MYLK4: variants seen among roughly 807,000 people sequenced by gnomAD.
The protein encoded by MYLK4 is caMLCK like.
Under a neutral mutation model 48.1 loss-of-function variants are expected in MYLK4, and 46 were observed. The observed-to-expected ratio is 0.96, with a 90% CI of 0.75 to 1.22. The LOEUF (loss-of-function observed/expected upper bound fraction) is 1.22. MYLK4 is among the 50% of genes most tolerant of loss of function. MYLK4 has a pLI of 0.00. For missense variants in MYLK4, 451 were observed against 486.1 expected (o/e 0.93, Z 0.68); for synonymous variants, 170 against 180.8 (o/e 0.94, Z 0.48).
intron 2 of MYLK4, among the ~76,000 whole-genome samples, chr6:2,737,330 A>G (rs1322925181): frequency 2.0e-5 from 3 of 152,204 alleles, no homozygotes; most frequent in Non-Finnish European, 4.4e-5. Context: ...ACAAAAAATA[A>G]CAATAAAACG....
chr6:2,746,337 G>T (rs1764094289), intron 2 of MYLK4, among the ~76,000 whole-genome samples: 2 of 151,858 alleles, frequency 1.3e-5, no homozygotes, highest in Non-Finnish European at 2.9e-5. Flanking sequence ...GTAGAAGGAA[G>T]AAAAGAAGGC....
At chr6:2,716,070 A>C (rs1762854276) in intron 2 of MYLK4, among the ~76,000 whole-genome samples, 1 of 152,236 alleles carries the variant, frequency 6.6e-6, no homozygotes, top group Non-Finnish European at 1.5e-5. Flanking sequence ...ACAGAGTAAC[A>C]GAAAATACAG....
chr6:2,761,837 CTTTT>C, the MYLK4 span, among the ~76,000 whole-genome samples: 84 of 152,246 alleles, frequency 5.5e-4, 1 homozygote, highest in Non-Finnish European at 9.7e-4. Flanking sequence ...TGTATTTTTC[CTTTT>C]TATTATTTAC....
At chr6:2,682,487 C>G (rs1043260581) in intron 7 of MYLK4, among the ~76,000 whole-genome samples, 2 of 152,152 alleles carry the variant, frequency 1.3e-5, no homozygotes, top group African/African-American at 4.8e-5. Flanking sequence ...CCTCTCTTCT[C>G]CTTAGCACTT....
At chr6:2,744,699 G>A (rs529494806) in intron 2 of MYLK4, among the ~76,000 whole-genome samples, 56 of 152,222 alleles carry the variant, frequency 3.7e-4, no homozygotes, top group Admixed American at 1.8e-3. Context: ...CATTTGTACC[G>A]GGCATTTAAA....
At chr6:2,766,468 G>T in the MYLK4 span, 2 of 1,483,990 alleles carry the variant, frequency 1.3e-6, no homozygotes, top group East Asian at 5.1e-5. Flanking sequence ...TGGCCGTTGG[G>T]CTTCCGTAGT....
At chr6:2,754,949 A>T (rs527852747), upstream of MYLK4, among the ~76,000 whole-genome samples, 1 of 152,288 alleles carries the variant, frequency 6.6e-6, no homozygotes, top group African/African-American at 2.4e-5. Flanking sequence ...TAGTAATTTT[A>T]AAAGTAATTT....
At chr6:2,765,659 T>C in the MYLK4 span, 6 of 1,546,650 alleles carry the variant, frequency 3.9e-6, no homozygotes, top group Non-Finnish European at 5.2e-6. Context: ...CCCCTTCCTT[T>C]CGCAGCTGCA....
chr6:2,727,364 G>A (rs1763313562), intron 2 of MYLK4, among the ~76,000 whole-genome samples: 1 of 152,194 alleles, frequency 6.6e-6, no homozygotes, highest in Admixed American at 6.5e-5. Flanking sequence ...AGAGCTGGAG[G>A]AATGCCACGG....
intron 2 of MYLK4, among the ~76,000 whole-genome samples, chr6:2,710,214 G>A (rs11242797): frequency 0.21 from 32,433 of 151,934 alleles, 3,578 homozygotes; most frequent in African/African-American, 0.27. Context: ...TGCAGGCTGC[G>A]TTGAATAAAC....
chr6:2,737,174 G>A (rs1261956613), intron 2 of MYLK4, among the ~76,000 whole-genome samples: 2 of 152,184 alleles, frequency 1.3e-5, no homozygotes, highest in African/African-American at 4.8e-5. Flanking sequence ...CTAGCTGCGC[G>A]TGGTGGCGCC....
At position 2,669,163 on chromosome 6, in the gene MYLK4, C is replaced by T. The variant is rs576736937; in HGVS notation, c.*26-1264G>A. On this transcript the variant is annotated intron_variant, in intron 12 of 12. Coordinates refer to ENST00000274643, the MANE Select transcript of MYLK4 (RefSeq NM_001012418.5). ...GATTCTTCCTTGGCCTGTAGTGTGA[C>T]TCAGGTGAATTTCTGAGGCCAAATG... 5.3e-5 allele frequency among the ~76,000 whole-genome samples: 8 copies of T among 152,294 alleles called. No homozygotes were observed. In the East Asian group the frequency reaches 1.5e-3, roughly 29 times the overall value.
At position 2,722,232 on chromosome 6, in the gene MYLK4, G is replaced by T. The variant is rs187735830; in HGVS notation, c.159+26904C>A. 7.7e-4 allele frequency among the ~76,000 whole-genome samples: 117 copies of T among 152,298 alleles called. 1 individual carries two copies. Among genetic ancestry groups the T allele is most frequent in the Admixed American group, 7.6e-3 (117 of 15,300 alleles). On this transcript the variant is annotated intron_variant, in intron 2 of 12. Coordinates refer to ENST00000274643, the MANE Select transcript of MYLK4 (RefSeq NM_001012418.5). ...GATAGAATATTTAATAAATCTGAAG[G>T]CATGTAGAAAGGATTTTGACAATTA...
At chr6:2,691,073 A>T (rs913942745) in intron 3 of MYLK4, among the ~76,000 whole-genome samples, 2 of 152,040 alleles carry the variant, frequency 1.3e-5, no homozygotes, top group Non-Finnish European at 2.9e-5. Flanking sequence ...CTCGTGATCC[A>T]ACTGCCTCAG....
chr6:2,670,375 A>G (rs1002469528), intron 12 of MYLK4, among the ~76,000 whole-genome samples: 1 of 151,662 alleles, frequency 6.6e-6, no homozygotes, highest in African/African-American at 2.4e-5. Context: ...CAAAAAACAA[A>G]CAAACAAACA....
At chr6:2,758,530 A>G in the MYLK4 span, among the ~76,000 whole-genome samples, 2 of 152,116 alleles carry the variant, frequency 1.3e-5, no homozygotes, top group South Asian at 2.1e-4. Context: ...AATAATTATA[A>G]AAGCAATACT....
the MYLK4 span, among the ~76,000 whole-genome samples, chr6:2,766,676 A>G: frequency 3.9e-5 from 6 of 152,298 alleles, no homozygotes; most frequent in East Asian, 1.2e-3. Context: ...GGGTTTGCAA[A>G]AGGACGATGT....
intron 12 of MYLK4, among the ~76,000 whole-genome samples, chr6:2,669,335 C>T (rs1384032446): frequency 3.9e-5 from 6 of 152,228 alleles, no homozygotes; most frequent in Admixed American, 3.3e-4. Flanking sequence ...GCCATCGCTT[C>T]GTAGGCTGCT....
chr6:2,679,537 G>A (rs1016149373), intron 8 of MYLK4, 129 bp from the exon 9 acceptor site: 1 of 1,201,042 alleles, frequency 8.3e-7, no homozygotes, highest in East Asian at 2.3e-5. Flanking sequence ...AACATTGAAG[G>A]AAATCAAACA....
Sources: gnomAD v4.1 joint callset for allele counts (sites outside exome capture counted in the v4.1 genomes callset) on GRCh38, gnomAD v4.1.1 for gene constraint, MANE v1.5 for transcripts, NCBI Gene and HGNC (gene_info 2026-07-23, HGNC 2026-07-21) for gene names.